SLC37A3: variants seen among roughly 807,000 people sequenced by gnomAD.
The protein encoded by SLC37A3 is sugar phosphate exchanger 3.
SLC37A3 carries 51 observed loss-of-function variants against 67.1 expected under a neutral mutation model. The observed-to-expected ratio is 0.76, with a 90% CI of 0.61 to 0.96. The LOEUF (loss-of-function observed/expected upper bound fraction) is 0.96. SLC37A3 is among the 40% of genes least tolerant of loss of function. The pLI is 0.00. For missense variants in SLC37A3, 508 were observed against 603.0 expected, an observed-to-expected ratio of 0.84 and a Z score of 1.65; for synonymous variants, 214 against 231.4, an observed-to-expected ratio of 0.92 and a Z score of 0.68.
In SLC37A3 at chr7:140,355,780, G is replaced by A; in HGVS notation, c.522-16C>T. On this transcript the variant is annotated splice_polypyrimidine_tract_variant and intron_variant, in intron 6 of 14. Transcript: ENST00000326232. ...AACTCCTCGTCTAAGATGGAAAACA[G>A]TGGGAGACAAAGGGCCATGGTCAGA... The A allele has an allele frequency of 6.2e-7, 1 of 1,609,872 alleles. No homozygotes were observed. Among genetic ancestry groups the A allele is most frequent in the Non-Finnish European group, 8.5e-7 (1 of 1,176,278 alleles).
rs57748652 is a variant in SLC37A3, at chr7:140,380,897, C to CTTCTT, written c.90-508_90-507insAAGAA. Among the ~76,000 whole-genome samples the CTTCTT allele has an allele frequency of 2.2e-3, 278 of 125,844 alleles. 3 individuals are homozygous for CTTCTT. Among genetic ancestry groups the CTTCTT allele is most frequent in the South Asian group, 3.6e-3 (14 of 3,840 alleles). The allele number at this position is 125,844 out of a possible 152,430, so 82.6% of individuals were successfully genotyped here. ...GAACAATTTTAGAATTCTTCTTCTT[C>CTTCTT]TTTTTTTTTTTTTTTTTGAGACAGA... On this transcript the variant is annotated intron_variant, in intron 2 of 14. Coordinates refer to ENST00000326232, the MANE Select transcript of SLC37A3 (RefSeq NM_207113.3).
intron 5 of SLC37A3, among the ~76,000 whole-genome samples, chr7:140,362,041 T>TGGGCAGCCA (rs1195423794): frequency 8.3e-6 from 1 of 120,024 alleles, no homozygotes; most frequent in Non-Finnish European, 1.8e-5. Flanking sequence ...CCTCTCTGCC[T>TGGGCAGCCA]GGCTGCCCAG....
chr7:140,368,292 G>A (rs1217484826), intron 4 of SLC37A3, among the ~76,000 whole-genome samples: 3 of 151,612 alleles, frequency 2.0e-5, no homozygotes, highest in African/African-American at 2.4e-5. Context: ...GACTCCGAGC[G>A]CAGTGGCTCA....
At chr7:140,382,736 G>T in intron 1 of SLC37A3, 140 bp from the exon 2 acceptor site, 1 of 403,422 alleles carries the variant, frequency 2.5e-6, no homozygotes, top group East Asian at 3.6e-5. Flanking sequence ...CAGAAAACTG[G>T]ATTAGTAATT....
chr7:140,363,690 TAAAAAAAAAATAAATAAAA>T (rs1187200504), intron 5 of SLC37A3, among the ~76,000 whole-genome samples: 1 of 30,598 alleles, frequency 3.3e-5, no homozygotes, highest in Non-Finnish European at 7.5e-5. Flanking sequence ...GAATGATCAA[TAAAAAAAAAATAAATAAAA>T]AAATAAAAAA....
intron 10 of SLC37A3, among the ~76,000 whole-genome samples, chr7:140,348,249 G>T (rs1454055449): frequency 6.6e-6 from 1 of 152,024 alleles, no homozygotes; most frequent in Non-Finnish European, 1.5e-5. Flanking sequence ...TTCTAACTTG[G>T]ATCTCTGACA....
At chr7:140,375,828 A>G (rs1322614241) in intron 3 of SLC37A3, among the ~76,000 whole-genome samples, 1 of 152,256 alleles carries the variant, frequency 6.6e-6, no homozygotes, top group Non-Finnish European at 1.5e-5. Flanking sequence ...TCTATCGAAG[A>G]TGAGAAAGCA....
chr7:140,389,606 C>G lies in SLC37A3; in HGVS notation c.-70-7010G>C, dbSNP rs542852743. On this transcript the variant is annotated intron_variant, in intron 1 of 14. Coordinates refer to ENST00000326232, the MANE Select transcript of SLC37A3 (RefSeq NM_207113.3). ...GAACCACTGTTTTGCCATTGCAGTTCCCCTGTCTTGATAAATTGGCTCTGT... is the reference window on the plus strand; with the variant it reads ...GAACCACTGTTTTGCCATTGCAGTTGCCCTGTCTTGATAAATTGGCTCTGT... 3.9e-5 allele frequency among the ~76,000 whole-genome samples: 6 copies of G among 152,288 alleles called. No homozygotes were observed. In the South Asian group the frequency reaches 1.2e-3, roughly 32 times the overall value.
At chr7:140,355,108 A>G (rs750343077) in intron 7 of SLC37A3, among the ~76,000 whole-genome samples, 6 of 150,574 alleles carry the variant, frequency 4.0e-5, no homozygotes, top group South Asian at 2.1e-4. Flanking sequence ...ATGTCTTTAG[A>G]CTCTCCATAG....
intron 3 of SLC37A3, among the ~76,000 whole-genome samples, chr7:140,372,628 C>T (rs773216509): frequency 3.4e-4 from 51 of 152,026 alleles, no homozygotes; most frequent in Non-Finnish European, 6.6e-4. Context: ...TTTGGGAGGC[C>T]GAGGAGGGCG....
chr7:140,348,547 T>C (rs1056393683), intron 10 of SLC37A3, 79 bp downstream of exon 10: 16 of 1,477,128 alleles, frequency 1.1e-5, no homozygotes, highest in Non-Finnish European at 1.4e-5. Context: ...AAACTTTAAA[T>C]GAGGCCAGAT....
chr7:140,350,329 G>A (rs1305164871), intron 9 of SLC37A3, among the ~76,000 whole-genome samples: 1 of 152,166 alleles, frequency 6.6e-6, no homozygotes, highest in Admixed American at 6.5e-5. Flanking sequence ...CAGTGCTAGA[G>A]TGCCCGAAAC....
chr7:140,384,169 A>T (rs1294373932), intron 1 of SLC37A3, among the ~76,000 whole-genome samples: 1 of 152,232 alleles, frequency 6.6e-6, no homozygotes, highest in Non-Finnish European at 1.5e-5. Context: ...AATCATTTAT[A>T]ATCATTTGTC....
chr7:140,369,700 G>A lies in SLC37A3; in HGVS notation c.199-18C>T. Reference sequence around the variant, plus strand: ...CTCCAGATCTACAGTAAGACAGCAGGAACAGGTCAGTCCCTGTAGAATCTG... The same window carrying A: ...CTCCAGATCTACAGTAAGACAGCAGAAACAGGTCAGTCCCTGTAGAATCTG... On this transcript the variant is annotated intron_variant, in intron 3 of 14. Coordinates refer to ENST00000326232, the MANE Select transcript of SLC37A3 (RefSeq NM_207113.3). 6.2e-7 allele frequency: 1 copy of A among 1,604,878 alleles called. No individual in the cohort carries two copies. The highest frequency in any genetic ancestry group is 8.5e-7 in the Non-Finnish European group (1 of 1,172,406).
At position 140,351,204 on chromosome 7, in the gene SLC37A3, T is replaced by A. The variant is rs906513869; in HGVS notation, c.882+69A>T. 1.4e-5 allele frequency: 20 copies of A among 1,466,030 alleles called. No homozygotes were observed. In the Middle Eastern group the frequency reaches 9.7e-4, roughly 71 times the overall value. 90.8% of individuals were successfully genotyped at this position (1,466,030 alleles called of 1,614,324 possible). Reference sequence around the variant, plus strand: ...AGGCTCAATACTTAAGGAAGCTTTATCTCAGGCAGAGGAGATGTCACGGGC... The same window carrying A: ...AGGCTCAATACTTAAGGAAGCTTTAACTCAGGCAGAGGAGATGTCACGGGC... On this transcript the variant is annotated intron_variant, in intron 9 of 14. Transcript: ENST00000326232.
At chr7:140,337,866 T>C (rs781695495) in intron 13 of SLC37A3, 1 of 152,230 alleles carries the variant, frequency 6.6e-6, no homozygotes, top group African/African-American at 2.4e-5. Flanking sequence ...TGGTAAGATA[T>C]AGCTTACATA....
At chr7:140,382,328 ACTAACATTAT>A in intron 2 of SLC37A3, 100 bp downstream of exon 2, 1 of 878,074 alleles carries the variant, frequency 1.1e-6, no homozygotes, top group South Asian at 1.7e-5. Flanking sequence ...AGAAGGAATA[ACTAACATTAT>A]AAGTGTATGC....
At chr7:140,364,321 ACTATT>A in intron 5 of SLC37A3, 82 bp downstream of exon 5, 1 of 1,206,618 alleles carries the variant, frequency 8.3e-7, no homozygotes, top group Non-Finnish European at 1.2e-6. Context: ...GATTAATCTT[ACTATT>A]CTATTCTACA....
chr7:140,350,638 C>T (rs1411340927), intron 9 of SLC37A3, among the ~76,000 whole-genome samples: 1 of 152,132 alleles, frequency 6.6e-6, no homozygotes, highest in Non-Finnish European at 1.5e-5. Context: ...GTGGCATGCA[C>T]CTGTAATCCC....
Sources: gnomAD v4.1 joint callset for allele counts (sites outside exome capture counted in the v4.1 genomes callset) on GRCh38, gnomAD v4.1.1 for gene constraint, MANE v1.5 for transcripts, NCBI Gene and HGNC (gene_info 2026-07-23, HGNC 2026-07-21) for gene names.